PGAM1: variants seen among roughly 807,000 people sequenced by gnomAD.
PGAM1 encodes phosphoglycerate mutase 1.
A neutral mutation model predicts 23.5 loss-of-function variants in PGAM1; 21 were observed. The observed-to-expected ratio is 0.89, with a 90% CI of 0.63 to 1.29. PGAM1 has a LOEUF of 1.29. PGAM1 is among the 50% of genes most tolerant of loss of function. PGAM1 has a pLI of 0.00. For synonymous variants in PGAM1, 109 were observed against 128.6 expected (o/e 0.85, Z 1.03); for missense variants, 232 against 336.3 (o/e 0.69, Z 2.42).
Position 97,426,199 on chromosome 10 carries a change from G to A in PGAM1, c.-109G>A. ...AGTGGAAAGATTTGGGCGAGAACTT[G>A]CGCGGGAGCCGGACTGAGCGGTGCG... On this transcript the variant is annotated 5_prime_UTR_variant, in exon 1 of 4. Coordinates refer to ENST00000334828, the MANE Select transcript of PGAM1 (RefSeq NM_002629.4). 1 of 1,529,504 alleles carries A rather than the reference G, an allele frequency of 6.5e-7. No individual in the cohort carries two copies. Among genetic ancestry groups the A allele is most frequent in the Non-Finnish European group, 9.0e-7 (1 of 1,114,768 alleles). 94.7% of individuals were successfully genotyped at this position (1,529,504 alleles called of 1,614,324 possible).
At chr10:97,428,770 C>T (rs1845438133) in intron 1 of PGAM1, among the ~76,000 whole-genome samples, 1 of 152,092 alleles carries the variant, frequency 6.6e-6, no homozygotes, top group Admixed American at 6.6e-5. Flanking sequence ...AGTGATGAGA[C>T]CTGTTTTTTC....
chr10:97,430,782 A>T, intron 2 of PGAM1, 129 bp downstream of exon 2: 3 of 1,445,408 alleles, frequency 2.1e-6, no homozygotes, highest in Non-Finnish European at 2.9e-6. Flanking sequence ...CCAGTGAATG[A>T]CCTTCACTTA....
intron 1 of PGAM1, among the ~76,000 whole-genome samples, chr10:97,426,862 C>T (rs1037990991): frequency 3.9e-5 from 6 of 152,176 alleles, no homozygotes; most frequent in African/African-American, 1.4e-4. Flanking sequence ...TGGTGAAACC[C>T]CGTCTCTATT....
intron 3 of PGAM1, among the ~76,000 whole-genome samples, chr10:97,431,758 G>T (rs1359859894): frequency 3.3e-5 from 5 of 152,122 alleles, no homozygotes; most frequent in Non-Finnish European, 5.9e-5. Flanking sequence ...ATGTGGTGAT[G>T]CTCATCTGTA....
chr10:97,430,697 G>A, intron 2 of PGAM1, 44 bp downstream of exon 2: 2 of 1,601,384 alleles, frequency 1.2e-6, no homozygotes, highest in Non-Finnish European at 1.7e-6. Flanking sequence ...AGGATCAGGG[G>A]CTTTTAGTAG....
At chr10:97,427,605 C>T (rs879752578) in intron 1 of PGAM1, 48 of 1,174,912 alleles carry the variant, frequency 4.1e-5, no homozygotes, top group Non-Finnish European at 4.9e-5. Context: ...TGGCTAAGGA[C>T]GCTGGGCAAA....
chr10:97,430,043 C>CAAAAAAAA (rs71814636), intron 1 of PGAM1, among the ~76,000 whole-genome samples: 1 of 69,786 alleles, frequency 1.4e-5, no homozygotes, highest in Non-Finnish European at 3.2e-5. Flanking sequence ...GACTCCGTCT[C>CAAAAAAAA]AAAAAAAAAA....
chr10:97,429,082 A>C (rs1845440413), intron 1 of PGAM1, among the ~76,000 whole-genome samples: 1 of 149,266 alleles, frequency 6.7e-6, no homozygotes, highest in Admixed American at 6.7e-5. Context: ...AAAATCAATA[A>C]GACTGATTCC....
At chr10:97,426,533 G>T in intron 1 of PGAM1, 87 bp downstream of exon 1, 1 of 1,443,662 alleles carries the variant, frequency 6.9e-7, no homozygotes, top group South Asian at 1.4e-5. Flanking sequence ...TCTCGGAGAG[G>T]GCCGGCACCT....
intron 3 of PGAM1, among the ~76,000 whole-genome samples, chr10:97,432,146 C>T (rs1051737878): frequency 9.9e-5 from 15 of 152,130 alleles, no homozygotes; most frequent in Non-Finnish European, 1.5e-4. Flanking sequence ...GGTGGTCTAT[C>T]TTGTATACCT....
In PGAM1 at chr10:97,426,458, C is replaced by A. The variant is rs946582679; in HGVS notation, c.139+12C>A. The A allele has an allele frequency of 1.3e-6, 2 of 1,586,682 alleles. No homozygotes were observed. Among genetic ancestry groups the A allele is most frequent in the African/African-American group, 2.7e-5 (2 of 74,056 alleles). On this transcript the variant is annotated intron_variant, in intron 1 of 3. Transcript: ENST00000334828. ...GCAGGCGCTACGAGGTGCGGAGGGGCCGGGTGTGGGCTGCGAAGGGCCGGG... is the reference window on the plus strand; with the variant it reads ...GCAGGCGCTACGAGGTGCGGAGGGGACGGGTGTGGGCTGCGAAGGGCCGGG...
chr10:97,431,152 A>G lies in PGAM1; in HGVS notation c.595+17A>G, dbSNP rs1371438120. The G allele has an allele frequency of 1.2e-6, 2 of 1,614,176 alleles. No individual in the cohort carries two copies. Among genetic ancestry groups the G allele is most frequent in the Non-Finnish European group, 1.7e-6 (2 of 1,180,008 alleles). On this transcript the variant is annotated intron_variant, in intron 3 of 3. Transcript: ENST00000334828. ...ATCTGGAGGGTATGTATGTTTTTTC[A>G]GAGGCGCCCTCAAGGAAGGATAAAG... is the stretch of plus-strand genomic sequence containing the variant.
chr10:97,430,822 T>C, intron 2 of PGAM1, 133 bp from the exon 3 acceptor site: 1 of 1,469,052 alleles, frequency 6.8e-7, no homozygotes, highest in Non-Finnish European at 9.4e-7. Flanking sequence ...GTTTACTATC[T>C]CCTTTTTTGT....
chr10:97,431,723 A>G (rs1845473672), intron 3 of PGAM1, among the ~76,000 whole-genome samples: 1 of 152,142 alleles, frequency 6.6e-6, no homozygotes, highest in African/African-American at 2.4e-5. Flanking sequence ...TTGTCTGTAC[A>G]AAAGAAAAAT....
rs1019995659 is a variant in PGAM1, at chr10:97,426,226, G to T, written c.-82G>T. 2 of 1,598,162 alleles carry T rather than the reference G, an allele frequency of 1.3e-6. No homozygotes were observed. The highest frequency in any genetic ancestry group is 1.7e-6 in the Non-Finnish European group (2 of 1,170,254). ...GCGGGAGCCGGACTGAGCGGTGCGA[G>T]CGCGCAGGCGCGGCCGACGGGGCGG... On this transcript the variant is annotated 5_prime_UTR_variant, in exon 1 of 4. Transcript: ENST00000334828.
At position 97,429,574 on chromosome 10, in the gene PGAM1, AG is replaced by A. The variant is rs1845446660; in HGVS notation, c.140-802del. Among the ~76,000 whole-genome samples the A allele has an allele frequency of 2.0e-5, 3 of 152,192 alleles. No homozygotes were observed. In the South Asian group the frequency reaches 6.2e-4, roughly 31 times the overall value. ...TTAACATTTAAGTAGGTATACTCTG[AG>A]GGTACTTGGTATTAGGCTGGAACTT... On this transcript the variant is annotated intron_variant, in intron 1 of 3. Coordinates refer to ENST00000334828, the MANE Select transcript of PGAM1 (RefSeq NM_002629.4).
rs748627221 is a variant in PGAM1, at chr10:97,426,289, G to T, written c.-19G>T. On this transcript the variant is annotated 5_prime_UTR_variant, in exon 1 of 4. Coordinates refer to ENST00000334828, the MANE Select transcript of PGAM1 (RefSeq NM_002629.4). ...GAATCTGCTAATCCCAGTCGGTGCC[G>T]CATCCCCAGCCCGCCGCCATGGCCG... 5 of 1,609,484 alleles carry T rather than the reference G, an allele frequency of 3.1e-6. No individual in the cohort carries two copies.
At position 97,432,575 on chromosome 10, in the gene PGAM1, G is replaced by A; in HGVS notation, c.*51G>A. 1 of 1,044,364 alleles carries A rather than the reference G, an allele frequency of 9.6e-7. No homozygotes were observed. Among genetic ancestry groups the A allele is most frequent in the East Asian group, 2.5e-5 (1 of 39,830 alleles). The allele number at this position is 1,044,364 out of a possible 1,614,324, so 64.7% of individuals were successfully genotyped here. A position where few individuals can be genotyped will look rare whatever the true frequency, so the allele number is the denominator to read the frequency against. ...CAGGAGCACCCTCCCTGCCCGTCTT[G>A]TCCCTCTGCCCCTCCCACCTGCACA... On this transcript the variant is annotated 3_prime_UTR_variant, in exon 4 of 4. Transcript: ENST00000334828.
chr10:97,427,965 G>T (rs1239643826), intron 1 of PGAM1: 9 of 1,278,186 alleles, frequency 7.0e-6, no homozygotes, highest in Non-Finnish European at 9.2e-6. Flanking sequence ...GTGGGCAGGG[G>T]AGTGATTGTT....
Sources: gnomAD v4.1 joint callset for allele counts (sites outside exome capture counted in the v4.1 genomes callset) on GRCh38, gnomAD v4.1.1 for gene constraint, MANE v1.5 for transcripts, NCBI Gene and HGNC (gene_info 2026-07-23, HGNC 2026-07-21) for gene names.